Variants in KIF13A observed in about 807,000 individuals in gnomAD.
KIF13A encodes kinesin-like protein KIF13A.
A neutral mutation model predicts 212.2 loss-of-function variants in KIF13A; 79 were observed. That is an observed-to-expected ratio of 0.37 (90% CI 0.31 to 0.45). The LOEUF is 0.45. Among genes scored for constraint, KIF13A ranks in the 20% least tolerant of loss-of-function variants. The pLI is 1.00. For synonymous variants in KIF13A, 789 were observed against 808.6 expected, an observed-to-expected ratio of 0.98 and a Z score of 0.41; for missense variants, 1,901 against 2,209.0, an observed-to-expected ratio of 0.86 and a Z score of 2.79.
rs947357268 is a variant in KIF13A, at chr6:17,843,120, C to T, written c.831-5537G>A. Among the ~76,000 whole-genome samples, 6 of 152,264 alleles carry T rather than the reference C, an allele frequency of 3.9e-5. No homozygotes were observed. Among genetic ancestry groups the T allele is most frequent in the South Asian group, 2.1e-4 (1 of 4,824 alleles). ...AGATTGTGATTACCTTGAAGGCAGA[C>T]GGTGTAATTTGCCATACACATTCCT... is the stretch of plus-strand genomic sequence containing the variant. On this transcript the variant is annotated intron_variant, in intron 9 of 38. Transcript: ENST00000259711. This position sits in a 1 kb window ranked among gnomAD's most constrained non-coding sequence, Gnocchi z 5.3.
rs147883665 is a variant in KIF13A at position 17,817,978 on chromosome 6, C to A, written c.1787-745G>T. Among the ~76,000 whole-genome samples the A allele has an allele frequency of 1.2e-4, 18 of 151,768 alleles. No individual in the cohort carries two copies. The East Asian group carries it at 3.1e-3, about 26-fold the overall frequency. ...TGTGGTATAGGTAAATCCTAATGGG[C>A]TGGGCAGGATATCAACTTGGTAATG... On this transcript the variant is annotated intron_variant, in intron 16 of 38. Transcript: ENST00000259711.
intron 2 of KIF13A, among the ~76,000 whole-genome samples, chr6:17,975,594 G>C (rs1271839468): frequency 6.6e-6 from 1 of 152,152 alleles, no homozygotes; most frequent in South Asian, 2.1e-4. Flanking sequence ...AGTTACTGCC[G>C]CTAGTTCGGG....
intron 22 of KIF13A, 35 bp from the exon 23 acceptor site, chr6:17,796,855 T>C (rs1762079501): frequency 1.4e-6 from 2 of 1,394,530 alleles, no homozygotes; most frequent in Non-Finnish European, 1.9e-6. Context: ...AGAATTATGC[T>C]TAAAGGAGTC....
chr6:17,911,667 G>A (rs898678553), intron 2 of KIF13A, among the ~76,000 whole-genome samples: 6 of 148,058 alleles, frequency 4.1e-5, no homozygotes, highest in African/African-American at 1.0e-4. Flanking sequence ...GTTATGGGCC[G>A]GGGGTTGTGG....
chr6:17,787,320 T>A lies in KIF13A; in HGVS notation c.3361+456A>T, dbSNP rs1464583940. Among the ~76,000 whole-genome samples the A allele has an allele frequency of 6.6e-6, 1 of 152,214 alleles. No homozygotes were observed. The highest frequency in any genetic ancestry group is 1.5e-5 in the Non-Finnish European group (1 of 68,036). On this transcript the variant is annotated intron_variant, in intron 27 of 38. Coordinates refer to ENST00000259711, the MANE Select transcript of KIF13A (RefSeq NM_022113.6). This position sits in a 1 kb window ranked among gnomAD's most constrained non-coding sequence, Gnocchi z 4.6. ...GGAGGCCTCTTAAACCAACAATGTA[T>A]AATATGATTGACTGATGTCTATAAT...
At chr6:17,800,983 C>T (rs927733022) in intron 20 of KIF13A, among the ~76,000 whole-genome samples, 3 of 151,950 alleles carry the variant, frequency 2.0e-5, no homozygotes, top group East Asian at 2.0e-4. Context: ...CTGCCTGCCT[C>T]GGCCTCCCAA....
At chr6:17,923,552 G>A (rs1459513767) in intron 2 of KIF13A, among the ~76,000 whole-genome samples, 2 of 151,316 alleles carry the variant, frequency 1.3e-5, no homozygotes, top group African/African-American at 4.8e-5. Flanking sequence ...TTTTTTGGTG[G>A]TTGGTAGCTT....
chr6:17,940,156 T>TC (rs1442782609), intron 2 of KIF13A, among the ~76,000 whole-genome samples: 1 of 151,580 alleles, frequency 6.6e-6, no homozygotes, highest in African/African-American at 2.4e-5. Flanking sequence ...CTTCCTTCCT[T>TC]CTTTCCTTTC....
chr6:17,836,317 A>G (rs1289912989), intron 11 of KIF13A, among the ~76,000 whole-genome samples: 1 of 152,264 alleles, frequency 6.6e-6, no homozygotes, highest in Non-Finnish European at 1.5e-5. Context: ...CTGTGGAAAT[A>G]ATAGTTTATA....
intron 18 of KIF13A, among the ~76,000 whole-genome samples, chr6:17,807,991 G>A (rs1178304764): frequency 6.6e-6 from 1 of 152,164 alleles, no homozygotes; most frequent in Non-Finnish European, 1.5e-5. Flanking sequence ...ATTCTTCAAG[G>A]TGAAATGACA....
chr6:17,979,767 G>GA (rs775604671), intron 2 of KIF13A, among the ~76,000 whole-genome samples: 153 of 133,028 alleles, frequency 1.2e-3, no homozygotes, highest in Middle Eastern at 3.9e-3. Context: ...AAGATGGTTT[G>GA]AAAAAAAAAA....
intron 2 of KIF13A, among the ~76,000 whole-genome samples, chr6:17,928,592 G>T (rs1775700181): frequency 1.3e-5 from 2 of 152,134 alleles, no homozygotes; most frequent in Admixed American, 1.3e-4. Context: ...ATGCTACAAG[G>T]AGACTACAAA....
intron 2 of KIF13A, among the ~76,000 whole-genome samples, chr6:17,976,297 A>G (rs886541830): frequency 4.6e-5 from 7 of 152,212 alleles, no homozygotes; most frequent in Non-Finnish European, 8.8e-5. Flanking sequence ...TGGGAGGCTC[A>G]GGCATGGCGG....
chr6:17,800,889 G>A (rs1314457868), intron 20 of KIF13A, among the ~76,000 whole-genome samples: 1 of 150,448 alleles, frequency 6.6e-6, no homozygotes, highest in Non-Finnish European at 1.5e-5. Context: ...ATAAGCCACC[G>A]TGTCCGGCCA....
chr6:17,956,210 T>G (rs1244810224), intron 2 of KIF13A, among the ~76,000 whole-genome samples: 4 of 152,206 alleles, frequency 2.6e-5, no homozygotes, highest in Non-Finnish European at 4.4e-5. Context: ...GACAGGTAAC[T>G]CATCCAGGAT....
chr6:17,859,620 T>TTTTATATATATATATATATATATATA lies in KIF13A; in HGVS notation c.221-3499_221-3498insTATATATATATATATATATATATAAA, dbSNP rs1485260645. On this transcript the variant is annotated intron_variant, in intron 4 of 38. Coordinates refer to ENST00000259711, the MANE Select transcript of KIF13A (RefSeq NM_022113.6). ...TCAACTGTCCTGCTGGCAATGTATT[T>TTTTATATATATATATATATATATATA]TATATATATATATATATATTTTTTT... is the stretch of plus-strand genomic sequence containing the variant. Among the ~76,000 whole-genome samples, 16 of 131,544 alleles carry TTTTATATATATATATATATATATATA rather than the reference T, an allele frequency of 1.2e-4. 1 individual carries two copies. The highest frequency in any genetic ancestry group is 4.8e-4 in the South Asian group (2 of 4,142). The allele number at this position is 131,544 out of a possible 152,430, so 86.3% of individuals were successfully genotyped here.
rs74911610 is a variant in KIF13A at position 17,886,186 on chromosome 6, C to T, written c.159+11982G>A. ...TTAAATCTGAGTCATGCTAATATCA[C>T]CCACCATGAGCAATCTCTGGGTCTG... is the stretch of plus-strand genomic sequence containing the variant. On this transcript the variant is annotated intron_variant, in intron 3 of 38. Transcript: ENST00000259711. This position sits in a 1 kb window ranked among gnomAD's most constrained non-coding sequence, Gnocchi z 5.6. Among the ~76,000 whole-genome samples the T allele has an allele frequency of 6.6e-6, 1 of 152,326 alleles. No individual in the cohort carries two copies. Among genetic ancestry groups the T allele is most frequent in the African/African-American group, 2.4e-5 (1 of 41,568 alleles).
Position 17,808,998 on chromosome 6 carries a change from A to T in KIF13A, c.2001-68T>A, listed in dbSNP as rs890164685. The T allele has an allele frequency of 3.6e-6, 5 of 1,381,852 alleles. No homozygotes were observed. The African/African-American group carries it at 5.9e-5, about 16-fold the overall frequency. The allele number at this position is 1,381,852 out of a possible 1,614,324, so 85.6% of individuals were successfully genotyped here. ...ACTGCAATCCCGTTTCTAAGTGAGC[A>T]TCTTATTAGAAAATGGGAGAAAACT... On this transcript the variant is annotated intron_variant, in intron 17 of 38. Transcript: ENST00000259711.
Position 17,903,971 on chromosome 6 carries a change from A to T in KIF13A, c.147-5791T>A, listed in dbSNP as rs546057778. On this transcript the variant is annotated intron_variant, in intron 2 of 38. Transcript: ENST00000259711. Reference sequence around the variant, plus strand: ...AGTTCAAGACCACCCTAGGCAACACAGTAAGACCCCATCTTTACTAAAAAT... The same window carrying T: ...AGTTCAAGACCACCCTAGGCAACACTGTAAGACCCCATCTTTACTAAAAAT... Among the ~76,000 whole-genome samples, 8 of 151,576 alleles carry T rather than the reference A, an allele frequency of 5.3e-5. No individual in the cohort carries two copies. The East Asian group carries it at 1.6e-3, about 30-fold the overall frequency.
Sources: allele counts gnomAD v4.1 joint callset (sites outside exome capture counted in the v4.1 genomes callset), GRCh38; gene constraint gnomAD v4.1.1; non-coding constraint Gnocchi (gnomAD v3.1); transcripts MANE v1.5; gene names NCBI Gene and HGNC (gene_info 2026-07-23, HGNC 2026-07-21).